The following ANKRD42 variants were observed in gnomAD, a reference collection of about 807,000 sequenced individuals.
ANKRD42 encodes the protein ankyrin repeat domain-containing protein 42.
ANKRD42 carries 43 observed loss-of-function variants against 51.5 expected under a neutral mutation model. The ratio of observed to expected loss-of-function variants is 0.83; its 90% CI spans 0.65 to 1.08. ANKRD42 has a LOEUF of 1.08. Among genes scored for constraint, ANKRD42 ranks in the 50% least tolerant of loss-of-function variants. ANKRD42 has a pLI of 0.00. For missense variants in ANKRD42, 608 were observed against 629.3 expected (o/e 0.97, Z 0.36); for synonymous variants, 203 against 213.0 (o/e 0.95, Z 0.41).
At chr11:83,241,584 T>C (rs1361819160) in intron 9 of ANKRD42, among the ~76,000 whole-genome samples, 1 of 152,118 alleles carries the variant, frequency 6.6e-6, no homozygotes, top group East Asian at 1.9e-4. Flanking sequence ...GAATGGTCAG[T>C]GTGGCTTGAG....
At chr11:83,214,645 T>A (rs1862458826) in intron 5 of ANKRD42, 1 of 759,878 alleles carries the variant, frequency 1.3e-6, no homozygotes, top group South Asian at 6.0e-5. Context: ...GATACATTCA[T>A]TTGTATCAAA....
chr11:83,246,045 T>C (rs1012929976), intron 10 of ANKRD42, among the ~76,000 whole-genome samples: 2 of 152,212 alleles, frequency 1.3e-5, no homozygotes, highest in Admixed American at 1.3e-4. Flanking sequence ...AGTGAGCAAG[T>C]GCATGGTTGT....
chr11:83,215,258 T>C (rs951178080), intron 5 of ANKRD42: 2 of 152,214 alleles, frequency 1.3e-5, no homozygotes, highest in African/African-American at 2.4e-5. Flanking sequence ...TGGAATTAAC[T>C]TATAGTTTAT....
At position 83,248,367 on chromosome 11, in the gene ANKRD42, T is replaced by C. The variant is rs2135560733; in HGVS notation, c.*163T>C. ...ATGTAACTATAACTTTCTAGATACA[T>C]ACACACATCTGTCTATCTATCTTCA... is the stretch of plus-strand genomic sequence containing the variant. On this transcript the variant is annotated 3_prime_UTR_variant, in exon 11 of 11. Coordinates refer to ENST00000533342, the MANE Select transcript of ANKRD42 (RefSeq NM_001300975.2). 1 of 1,338,302 alleles carries C rather than the reference T, an allele frequency of 7.5e-7. No homozygotes were observed. Among genetic ancestry groups the C allele is most frequent in the South Asian group, 2.3e-5 (1 of 43,388 alleles). 82.9% of individuals were successfully genotyped at this position (1,338,302 alleles called of 1,614,324 possible). A position where few individuals can be genotyped will look rare whatever the true frequency, so the allele number is the denominator to read the frequency against.
intron 5 of ANKRD42, among the ~76,000 whole-genome samples, chr11:83,218,124 C>T (rs1177356536): frequency 6.6e-6 from 1 of 152,196 alleles, no homozygotes; most frequent in Non-Finnish European, 1.5e-5. Context: ...TTCTTAGGGC[C>T]TCCCTTAGCT....
At position 83,206,384 on chromosome 11, in the gene ANKRD42, G is replaced by A. The variant is rs183295522; in HGVS notation, c.330+219G>A. Among the ~76,000 whole-genome samples, 230 of 146,140 alleles carry A rather than the reference G, an allele frequency of 1.6e-3. 1 individual carries two copies. The highest frequency in any genetic ancestry group is 5.3e-3 in the African/African-American group (216 of 41,098). ...ATCTCTGATGTAGTTGGCTGTCTGCGTTGTTTTAAGAGATCTCACAGTCAT... is the reference window on the plus strand; with the variant it reads ...ATCTCTGATGTAGTTGGCTGTCTGCATTGTTTTAAGAGATCTCACAGTCAT... On this transcript the variant is annotated intron_variant, in intron 3 of 10. Transcript: ENST00000533342.
At chr11:83,219,803 G>A (rs999218152) in intron 5 of ANKRD42, among the ~76,000 whole-genome samples, 5 of 152,192 alleles carry the variant, frequency 3.3e-5, no homozygotes, top group African/African-American at 1.2e-4. Context: ...AAAATTACCT[G>A]TCTTTAAATT....
At chr11:83,220,739 G>C (rs1554995292) in intron 5 of ANKRD42, among the ~76,000 whole-genome samples, 1 of 151,816 alleles carries the variant, frequency 6.6e-6, no homozygotes, top group Non-Finnish European at 1.5e-5. Flanking sequence ...TTCTTGAGAA[G>C]TTTTTTTTGC....
intron 1 of ANKRD42, among the ~76,000 whole-genome samples, chr11:83,195,459 C>G (rs1268148143): frequency 6.6e-6 from 1 of 152,192 alleles, no homozygotes; most frequent in African/African-American, 2.4e-5. Flanking sequence ...ACACACGTAA[C>G]ACTGAGACCT....
chr11:83,224,920 G>A lies in ANKRD42; in HGVS notation c.652G>A (p.Ala218Thr). The A allele has an allele frequency of 1.2e-6, 2 of 1,613,150 alleles. No individual in the cohort carries two copies. The change falls in exon 6 of 11, where the codon GCG becomes ACG. Residue 218 changes from alanine (A) to threonine (T), a missense_variant. By Grantham distance (58) the Ala-to-Thr change is moderately conservative. Transcript: ENST00000533342. ...ATTCCTAGTCAGTAGAATGAGCAGT[G>A]CGACGCAAGTTTTAAAAGCTTTCAA... ...FKFLVSRMSS[A>T]TQVLKAFNDN...
chr11:83,194,180 G>T lies in ANKRD42; in HGVS notation c.-491G>T, dbSNP rs566724142. ...GACGTGAATTTTAGTGAAGTTGGAG[G>T]CCACCAAACTACCGACTCCAGGGGA... is the stretch of plus-strand genomic sequence containing the variant. On this transcript the variant is annotated 5_prime_UTR_variant, in exon 1 of 11. Coordinates refer to ENST00000533342, the MANE Select transcript of ANKRD42 (RefSeq NM_001300975.2). 6.6e-6 allele frequency: 3 copies of T among 457,884 alleles called. No homozygotes were observed. Among genetic ancestry groups the T allele is most frequent in the East Asian group, 6.9e-5 (1 of 14,448 alleles). The allele number at this position is 457,884 out of a possible 1,614,324, so 28.4% of individuals were successfully genotyped here.
intron 5 of ANKRD42, chr11:83,212,772 G>T: frequency 1.3e-6 from 2 of 1,517,308 alleles, no homozygotes; most frequent in Admixed American, 2.1e-5. Flanking sequence ...TACTGTCCAG[G>T]ATCATTTTGT....
intron 5 of ANKRD42, 91 bp downstream of exon 5, chr11:83,211,521 G>A (rs1862317383): frequency 1.4e-6 from 2 of 1,408,264 alleles, no homozygotes; most frequent in African/African-American, 2.9e-5. Flanking sequence ...TGTTGGTTGA[G>A]CGTGGTGGCT....
chr11:83,252,247 C>T (rs746317132), downstream of ANKRD42, among the ~76,000 whole-genome samples: 1 of 152,148 alleles, frequency 6.6e-6, no homozygotes, highest in Admixed American at 6.5e-5. Context: ...TTGAAACAGA[C>T]GTTACCAAAT....
chr11:83,199,664 G>A (rs1247489493), intron 2 of ANKRD42, among the ~76,000 whole-genome samples: 4 of 152,118 alleles, frequency 2.6e-5, no homozygotes, highest in African/African-American at 9.7e-5. Context: ...TATGTGTATG[G>A]GGGGCTTATT....
At chr11:83,227,002 T>A (rs563197611) in intron 6 of ANKRD42, among the ~76,000 whole-genome samples, 2 of 152,294 alleles carry the variant, frequency 1.3e-5, no homozygotes, top group East Asian at 1.9e-4. Context: ...CCTGGAACCC[T>A]TAGGATTCCA....
At chr11:83,254,581 A>G (rs1863733901) in intron 11 of ANKRD42, among the ~76,000 whole-genome samples, 1 of 151,834 alleles carries the variant, frequency 6.6e-6, no homozygotes, top group Non-Finnish European at 1.5e-5. Context: ...ACAAGTGTGC[A>G]GGACAAGCCC....
intron 1 of ANKRD42, among the ~76,000 whole-genome samples, chr11:83,194,989 T>C (rs950551363): frequency 1.3e-5 from 2 of 152,246 alleles, no homozygotes; most frequent in Non-Finnish European, 2.9e-5. Flanking sequence ...TCAGTCTTAA[T>C]GGACGGACCC....
downstream of ANKRD42, among the ~76,000 whole-genome samples, chr11:83,253,471 A>G (rs1863709353): frequency 6.6e-6 from 1 of 152,186 alleles, no homozygotes; most frequent in Non-Finnish European, 1.5e-5. Flanking sequence ...AACTCTTTCA[A>G]CAGTTTTATA....
Sources: allele counts gnomAD v4.1 joint callset (sites outside exome capture counted in the v4.1 genomes callset), GRCh38; gene constraint gnomAD v4.1.1; transcripts MANE v1.5; gene names NCBI Gene and HGNC (gene_info 2026-07-23, HGNC 2026-07-21).